Variants in ZFYVE9 observed in about 807,000 individuals in gnomAD.
ZFYVE9 encodes the protein zinc finger FYVE-type containing 9.
A neutral mutation model predicts 126.7 loss-of-function variants in ZFYVE9; 43 were observed. The ratio of observed to expected loss-of-function variants is 0.34; its 90% CI spans 0.27 to 0.44. ZFYVE9 has a LOEUF of 0.44. Ranked by LOEUF, ZFYVE9 falls within the 20% of genes least tolerant of loss-of-function variation. The probability of loss-of-function intolerance (pLI) is 1.00; values close to 1 mark genes in which losing one functional copy is unlikely to be tolerated. For missense variants in ZFYVE9, 1,476 were observed against 1,697.0 expected, an observed-to-expected ratio of 0.87 and a Z score of 2.29; for synonymous variants, 521 against 597.4, an observed-to-expected ratio of 0.87 and a Z score of 1.87.
intron 1 of ZFYVE9, chr1:52,179,885 T>C: frequency 1.2e-6 from 1 of 824,148 alleles, no homozygotes; most frequent in South Asian, 1.4e-5. Flanking sequence ...GAGTGACATC[T>C]TACACAAAAA....
chr1:52,336,844 G>A (rs1646394337), intron 15 of ZFYVE9, among the ~76,000 whole-genome samples: 1 of 151,822 alleles, frequency 6.6e-6, no homozygotes, highest in African/African-American at 2.4e-5. Flanking sequence ...CTACTTGGGA[G>A]GCTGAGGTGG....
At chr1:52,230,456 T>C (rs1290660696) in intron 2 of ZFYVE9, among the ~76,000 whole-genome samples, 3 of 149,364 alleles carry the variant, frequency 2.0e-5, no homozygotes, top group African/African-American at 7.5e-5. Context: ...AGTCAGTAGG[T>C]GCAGCAGACC....
intron 10 of ZFYVE9, among the ~76,000 whole-genome samples, chr1:52,291,856 A>G (rs939361593): frequency 1.4e-5 from 2 of 140,186 alleles, no homozygotes; most frequent in African/African-American, 2.8e-5. Context: ...CCAGGGTTCC[A>G]GGGTGGGTAA....
chr1:52,260,747 G>A lies in ZFYVE9; in HGVS notation c.2179-3026G>A, dbSNP rs191334819. Among the ~76,000 whole-genome samples the A allele has an allele frequency of 7.0e-3, 1,065 of 152,198 alleles. 13 individuals carry two copies. Among genetic ancestry groups the A allele is most frequent in the African/African-American group, 0.024 (1,013 of 41,516 alleles). On this transcript the variant is annotated intron_variant, in intron 4 of 18. Transcript: ENST00000287727. ...CAGGAGAATGGCTTGAACCCTAGAG[G>A]CGGAGGTTGCAATGAGCTGAGATCA...
intron 8 of ZFYVE9, among the ~76,000 whole-genome samples, chr1:52,276,524 C>T (rs764283760): frequency 1.3e-5 from 2 of 152,168 alleles, no homozygotes; most frequent in Non-Finnish European, 2.9e-5. Context: ...ACTACACCTA[C>T]TTAAAAGTCA....
intron 13 of ZFYVE9, among the ~76,000 whole-genome samples, chr1:52,332,197 A>ATT (rs200587340): frequency 6.8e-6 from 1 of 146,620 alleles, no homozygotes; most frequent in African/African-American, 2.5e-5. Flanking sequence ...TGGCCCATGA[A>ATT]TTTTTTTTTT....
intron 4 of ZFYVE9, chr1:52,254,231 C>A: frequency 2.6e-6 from 1 of 391,518 alleles, no homozygotes; most frequent in South Asian, 4.2e-5. Flanking sequence ...TTTATCCTGT[C>A]TTTAAATAGT....
intron 1 of ZFYVE9, among the ~76,000 whole-genome samples, chr1:52,174,869 C>A (rs1412927767): frequency 1.3e-5 from 2 of 152,182 alleles, no homozygotes; most frequent in South Asian, 2.1e-4. Context: ...AGATCTTCCT[C>A]CATCCTTTTA....
intron 3 of ZFYVE9, 56 bp from the exon 4 acceptor site, chr1:52,237,432 C>A: frequency 7.1e-7 from 1 of 1,415,894 alleles, no homozygotes; most frequent in Non-Finnish European, 9.6e-7. Context: ...TTAACTTAGT[C>A]ATAAGCTTTT....
intron 13 of ZFYVE9, among the ~76,000 whole-genome samples, chr1:52,321,400 T>C (rs979429098): frequency 1.3e-5 from 2 of 152,228 alleles, no homozygotes; most frequent in African/African-American, 4.8e-5. Context: ...TCAAAGGTCC[T>C]CTGGAGAATA....
At chr1:52,221,852 G>A (rs888400214) in intron 2 of ZFYVE9, among the ~76,000 whole-genome samples, 3 of 152,148 alleles carry the variant, frequency 2.0e-5, no homozygotes, top group Admixed American at 2.0e-4. Flanking sequence ...GTCCAGAGGA[G>A]GGTTTACAGG....
rs751028023 is a variant in ZFYVE9 at position 52,346,145 on chromosome 1, A to T, written c.4202A>T (p.His1401Leu). ...DLDSALVPVI[H>L]GGACQLSEGP... ...GACAGCGCCTTGGTGCCGGTGATCCATGGAGGGGCCTGCCAGCTTAGTGAG... is the reference window on the plus strand; with the variant it reads ...GACAGCGCCTTGGTGCCGGTGATCCTTGGAGGGGCCTGCCAGCTTAGTGAG... Residue 1401 changes from histidine (H) to leucine (L), a missense_variant, in exon 19 of 19, where the codon CAT becomes CTT. Coordinates refer to ENST00000287727, the MANE Select transcript of ZFYVE9 (RefSeq NM_004799.4). 37 of 1,613,454 alleles carry T rather than the reference A, an allele frequency of 2.3e-5. No individual in the cohort carries two copies. The highest frequency in any genetic ancestry group is 3.0e-5 in the Non-Finnish European group (35 of 1,179,544).
In ZFYVE9 at chr1:52,306,121, G is replaced by A. The variant is rs1234964208; in HGVS notation, c.3438+2196G>A. On this transcript the variant is annotated intron_variant, in intron 13 of 18. Coordinates refer to ENST00000287727, the MANE Select transcript of ZFYVE9 (RefSeq NM_004799.4). ...TGAAGGCTGGGGGGCCAGGCCACCA[G>A]TCCCATGGACTGTAGTGGGAACTTG... 3.3e-5 allele frequency among the ~76,000 whole-genome samples: 5 copies of A among 152,300 alleles called. No homozygotes were observed. The East Asian group carries it at 7.7e-4, about 24-fold the overall frequency.
chr1:52,246,369 C>T (rs780094339), intron 4 of ZFYVE9, among the ~76,000 whole-genome samples: 12 of 152,034 alleles, frequency 7.9e-5, no homozygotes, highest in Non-Finnish European at 1.3e-4. Flanking sequence ...TTTTGGGTAA[C>T]TTGAGTTGAA....
At chr1:52,151,609 G>A (rs143460948) in intron 1 of ZFYVE9, among the ~76,000 whole-genome samples, 5,224 of 150,584 alleles carry the variant, frequency 0.035, 131 homozygotes, top group Middle Eastern at 0.13. Context: ...TCTGCCTCCC[G>A]GGTTCAAGCA....
In ZFYVE9 at chr1:52,346,062, T is replaced by A. The variant is rs1557530824; in HGVS notation, c.4119T>A (p.Val1373=). ...CTCCTTTTCTCTCTGTGGTATAGGTTGGCTATCAAGCAGGGAGCAATGGCC... is the reference window on the plus strand; with the variant it reads ...CTCCTTTTCTCTCTGTGGTATAGGTAGGCTATCAAGCAGGGAGCAATGGCC... ...GLRVTLDSDQ[V]GYQAGSNGQP... is the part of the protein sequence containing the mutation. The change falls in exon 19 of 19, where the codon GTT becomes GTA. Residue 1373 remains valine, a splice_region_variant and synonymous_variant. Transcript: ENST00000287727. 2 of 1,598,100 alleles carry A rather than the reference T, an allele frequency of 1.3e-6. No homozygotes were observed. The highest frequency in any genetic ancestry group is 1.7e-6 in the Non-Finnish European group (2 of 1,169,474).
chr1:52,162,808 A>T (rs947253868), intron 1 of ZFYVE9: 1 of 344,962 alleles, frequency 2.9e-6, no homozygotes, highest in Non-Finnish European at 5.7e-6. Context: ...CTGGATCAAG[A>T]GTGGGATCTG....
chr1:52,297,259 T>G (rs1569700781), intron 12 of ZFYVE9, among the ~76,000 whole-genome samples: 1 of 151,342 alleles, frequency 6.6e-6, no homozygotes, highest in South Asian at 2.1e-4. Flanking sequence ...TTTTTTTTTT[T>G]GGAGATGGAG....
At position 52,297,762 on chromosome 1, in the gene ZFYVE9, G is replaced by T. The variant is rs12031095; in HGVS notation, c.3333+1785G>T. Among the ~76,000 whole-genome samples the T allele has an allele frequency of 3.9e-3, 595 of 150,672 alleles. 13 individuals are homozygous for T. In the South Asian group the frequency reaches 0.044, roughly 11 times the overall value. ...TTTTGGGACAGAGTCTCGCACTGTC[G>T]CCTGGGCTGGAGTGCAGTGGCACGA... On this transcript the variant is annotated intron_variant, in intron 12 of 18. Transcript: ENST00000287727.
Sources: allele counts gnomAD v4.1 joint callset (sites outside exome capture counted in the v4.1 genomes callset), GRCh38; gene constraint gnomAD v4.1.1; transcripts MANE v1.5; gene names NCBI Gene and HGNC (gene_info 2026-07-23, HGNC 2026-07-21).